LRRC37A2: variants seen among roughly 807,000 people sequenced by gnomAD.
LRRC37A2 encodes the protein leucine rich repeat containing 37 member A2.
In LRRC37A2, 9 loss-of-function variants were observed where a neutral mutation model predicts 68.8. That is an observed-to-expected ratio of 0.13 (90% CI 0.08 to 0.23). The LOEUF (loss-of-function observed/expected upper bound fraction) is 0.23, where lower values mean the gene tolerates loss of function less well. Among genes scored for constraint, LRRC37A2 ranks in the 10% least tolerant of loss-of-function variants. LRRC37A2 has a pLI of 1.00. For missense variants in LRRC37A2, 168 were observed against 950.4 expected, an observed-to-expected ratio of 0.18 and a Z score of 10.82; for synonymous variants, 63 against 367.6, an observed-to-expected ratio of 0.17 and a Z score of 9.48.
chr17:47,009,225 T>C, the LRRC37A2 span, among the ~76,000 whole-genome samples: 2 of 152,180 alleles, frequency 1.3e-5, no homozygotes, highest in Non-Finnish European at 2.9e-5. Flanking sequence ...TCTAAAAAAT[T>C]TTATCCTTTT....
chr17:46,828,031 CGATCCGCTGACCTCAT>C, the LRRC37A2 span, among the ~76,000 whole-genome samples: 1 of 151,612 alleles, frequency 6.6e-6, no homozygotes, highest in South Asian at 2.1e-4. Context: ...AGGATGGTCT[CGATCCGCTGACCTCAT>C]GATCCGCCGA....
the LRRC37A2 span, among the ~76,000 whole-genome samples, chr17:46,619,786 A>AC: frequency 2.3e-5 from 2 of 88,244 alleles, no homozygotes; most frequent in African/African-American, 4.7e-5. Flanking sequence ...AAAAAAAAAA[A>AC]AAAAAAAAAA....
At chr17:46,534,684 A>G (rs1286221698) in intron 6 of LRRC37A2, among the ~76,000 whole-genome samples, 1 of 149,824 alleles carries the variant, frequency 6.7e-6, no homozygotes, top group African/African-American at 2.5e-5. Flanking sequence ...CATCGTCATC[A>G]TGGCCCGTTC....
At chr17:47,014,610 A>G in the LRRC37A2 span, among the ~76,000 whole-genome samples, 1 of 151,130 alleles carries the variant, frequency 6.6e-6, no homozygotes, top group Non-Finnish European at 1.5e-5. Context: ...AAGTTTGGAG[A>G]GCAGAACTGA....
the LRRC37A2 span, among the ~76,000 whole-genome samples, chr17:46,879,453 G>A: frequency 6.6e-6 from 1 of 152,220 alleles, no homozygotes; most frequent in African/African-American, 2.4e-5. Flanking sequence ...TGGCAAAAGT[G>A]TCTTACTCAT....
At chr17:46,797,016 A>T in the LRRC37A2 span, among the ~76,000 whole-genome samples, 1 of 152,216 alleles carries the variant, frequency 6.6e-6, no homozygotes, top group South Asian at 2.1e-4. Flanking sequence ...AATGGGGGAA[A>T]ATGGGAAAAG....
the LRRC37A2 span, among the ~76,000 whole-genome samples, chr17:46,758,776 A>G: frequency 2.2e-4 from 33 of 152,352 alleles, 1 homozygote; most frequent in Admixed American, 1.2e-3. Flanking sequence ...AGTGTGTACA[A>G]TAATCAAATC....
the LRRC37A2 span, among the ~76,000 whole-genome samples, chr17:46,900,168 C>CATATATATATATATATAT: frequency 1.6e-5 from 1 of 64,060 alleles, no homozygotes; most frequent in Non-Finnish European, 2.8e-5. Flanking sequence ...TATACATATA[C>CATATATATATATATATAT]ATATATATAT....
chr17:46,745,867 G>A, the LRRC37A2 span, among the ~76,000 whole-genome samples: 1 of 152,090 alleles, frequency 6.6e-6, no homozygotes, highest in Non-Finnish European at 1.5e-5. Flanking sequence ...GTCTTTACTC[G>A]ATTGTAATTA....
the LRRC37A2 span, among the ~76,000 whole-genome samples, chr17:46,595,585 G>A: frequency 0.14 from 17,582 of 127,454 alleles, 1 homozygote; most frequent in Middle Eastern, 0.19. Flanking sequence ...TCTGCCTCCC[G>A]GGTTCAAGCG....
At chr17:47,023,793 C>T in the LRRC37A2 span, among the ~76,000 whole-genome samples, 1 of 152,078 alleles carries the variant, frequency 6.6e-6, no homozygotes, top group Admixed American at 6.5e-5. Context: ...CAGGGTTTCA[C>T]CATGTTGGCC....
At chr17:46,966,921 T>C in the LRRC37A2 span, 2 of 391,094 alleles carry the variant, frequency 5.1e-6, no homozygotes, top group East Asian at 7.3e-5. Context: ...CATGAAATTT[T>C]ATTTGAATCT....
At chr17:46,950,727 G>A in the LRRC37A2 span, among the ~76,000 whole-genome samples, 1 of 152,172 alleles carries the variant, frequency 6.6e-6, no homozygotes, top group East Asian at 1.9e-4. Flanking sequence ...GGACTGGTCT[G>A]TGTGGGGGCA....
the LRRC37A2 span, among the ~76,000 whole-genome samples, chr17:46,821,879 G>A: frequency 6.6e-6 from 1 of 152,218 alleles, no homozygotes; most frequent in Non-Finnish European, 1.5e-5. Flanking sequence ...GCACCGTGTA[G>A]ACAAAGAATC....
the LRRC37A2 span, among the ~76,000 whole-genome samples, chr17:46,737,831 A>G: frequency 6.6e-6 from 1 of 152,020 alleles, no homozygotes. Context: ...AGTCAGGGCC[A>G]TTGTGCCATG....
the LRRC37A2 span, among the ~76,000 whole-genome samples, chr17:46,850,414 C>CACCT: frequency 6.6e-6 from 1 of 152,174 alleles, no homozygotes; most frequent in Admixed American, 6.5e-5. Context: ...CTGTTAATGC[C>CACCT]ACCTAACACG....
chr17:46,908,382 C>T, the LRRC37A2 span, among the ~76,000 whole-genome samples: 2 of 152,114 alleles, frequency 1.3e-5, no homozygotes, highest in Non-Finnish European at 2.9e-5. Flanking sequence ...GCAAAATGAT[C>T]GCCATTAATG....
the LRRC37A2 span, chr17:47,017,218 T>C: frequency 1.2e-6 from 2 of 1,611,748 alleles, no homozygotes; most frequent in East Asian, 2.2e-5. Context: ...TGCCCGGCAC[T>C]AGCGTGTGTC....
chr17:46,901,566 A>T, the LRRC37A2 span, among the ~76,000 whole-genome samples: 1 of 152,224 alleles, frequency 6.6e-6, no homozygotes, highest in Non-Finnish European at 1.5e-5. Context: ...CCTGTTACAT[A>T]GAGCAAGCAG....
Sources: allele counts gnomAD v4.1 joint callset (sites outside exome capture counted in the v4.1 genomes callset), GRCh38; gene constraint gnomAD v4.1.1; transcripts MANE v1.5; gene names NCBI Gene and HGNC (gene_info 2026-07-23, HGNC 2026-07-21).